Variants in ST3GAL1 observed in about 807,000 individuals in gnomAD.
ST3GAL1 encodes the protein CMP-N-acetylneuraminate-beta-galactosamide-alpha-2,3-sialyltransferase 1.
Under a neutral mutation model 34.1 loss-of-function variants are expected in ST3GAL1, and 16 were observed. The ratio of observed to expected loss-of-function variants is 0.47; its 90% CI spans 0.32 to 0.71. ST3GAL1 has a LOEUF of 0.71. Among genes scored for constraint, ST3GAL1 ranks in the 30% least tolerant of loss-of-function variants. ST3GAL1 has a pLI of 0.04. For synonymous variants in ST3GAL1, 191 were observed against 184.7 expected (o/e 1.03, Z -0.28); for missense variants, 353 against 447.4 (o/e 0.79, Z 1.90).
rs1364525020 is a variant in ST3GAL1 at position 133,456,874 on chromosome 8, A to G, written c.*2890T>C. 6.6e-6 allele frequency: 1 copy of G among 152,206 alleles called. No homozygotes were observed. The allele number at this position is 152,206 out of a possible 1,614,324, so 9.4% of individuals were successfully genotyped here. ...CGCTGGGAAAGCCCGCCTCCAGACA[A>G]TTTCAACATAGCGCCGGTAACACCC... On this transcript the variant is annotated 3_prime_UTR_variant, in exon 10 of 10. Transcript: ENST00000522652.
In ST3GAL1 at chr8:133,465,950, G is replaced by T. The variant is rs1235090575; in HGVS notation, c.447C>A (p.Gly149=). The change falls in exon 6 of 10, where the codon GGC becomes GGA. Residue 149 remains glycine, a synonymous_variant. Coordinates refer to ENST00000522652, the MANE Select transcript of ST3GAL1 (RefSeq NM_173344.3). The part of the protein sequence containing the change: ...CRRCAVVGNS[G]NLRESSYGPE... ...GCCCATAAGAAGACTCCCTCAGGTT[G>T]CCCGAGTTGCCCACAACGGCGCAGC... The T allele has an allele frequency of 1.9e-6, 3 of 1,614,072 alleles. No individual in the cohort carries two copies. The highest frequency in any genetic ancestry group is 2.7e-5 in the African/African-American group (2 of 74,932).
At chr8:133,546,468 G>C (rs1048405805) in intron 1 of ST3GAL1, among the ~76,000 whole-genome samples, 2 of 124,600 alleles carry the variant, frequency 1.6e-5, no homozygotes, top group Non-Finnish European at 1.6e-5. Context: ...GGGACAGAGA[G>C]AGACTCCGTC....
intron 2 of ST3GAL1, among the ~76,000 whole-genome samples, chr8:133,527,052 T>C (rs79786372): frequency 0.055 from 8,439 of 152,132 alleles, 319 homozygotes; most frequent in Middle Eastern, 0.085. Context: ...ACCTGACTGA[T>C]TGAAGGCCCA....
rs148718840 is a variant in ST3GAL1, at chr8:133,535,040, C to T, written c.-429+10734G>A. Among the ~76,000 whole-genome samples, 523 of 152,242 alleles carry T rather than the reference C, an allele frequency of 3.4e-3. 1 individual carries two copies. The highest frequency in any genetic ancestry group is 0.017 in the South Asian group (82 of 4,828). On this transcript the variant is annotated intron_variant, in intron 2 of 9. Coordinates refer to ENST00000522652, the MANE Select transcript of ST3GAL1 (RefSeq NM_173344.3). ...ACACAGGCAGGGGTTTGAGGGCTGA[C>T]GAGGGAGAAGCCCTGCAGCTGAGGA...
chr8:133,480,157 T>G (rs1274859946), intron 3 of ST3GAL1, among the ~76,000 whole-genome samples: 1 of 152,102 alleles, frequency 6.6e-6, no homozygotes, highest in African/African-American at 2.4e-5. Flanking sequence ...GGCAGTCATT[T>G]CCCAGCCACA....
At chr8:133,509,048 T>C (rs1339449214) in intron 2 of ST3GAL1, among the ~76,000 whole-genome samples, 1 of 152,210 alleles carries the variant, frequency 6.6e-6, no homozygotes, top group African/African-American at 2.4e-5. Context: ...TTCTTTACAG[T>C]TACTAGCCTC....
At chr8:133,468,508 T>C (rs75835882) in intron 5 of ST3GAL1, among the ~76,000 whole-genome samples, 2,491 of 151,004 alleles carry the variant, frequency 0.016, 91 homozygotes, top group African/African-American at 0.057. Context: ...GGGGACAGAG[T>C]TTTTGCTTGG....
In ST3GAL1 at chr8:133,552,403, G is replaced by A. The variant is rs939062432; in HGVS notation, c.-581-6477C>T. Among the ~76,000 whole-genome samples the A allele has an allele frequency of 1.3e-5, 2 of 152,204 alleles. 1 individual carries two copies. Among genetic ancestry groups the A allele is most frequent in the South Asian group, 4.1e-4 (2 of 4,832 alleles). ...ATGGTGAGAGGACCTAGAAACATCT[G>A]GTGTGAGTGCTGGAAGGCCCTCAGC... On this transcript the variant is annotated intron_variant, in intron 1 of 9. Transcript: ENST00000522652.
chr8:133,559,393 A>T (rs1413675418), intron 1 of ST3GAL1, among the ~76,000 whole-genome samples: 1 of 152,156 alleles, frequency 6.6e-6, no homozygotes, highest in Admixed American at 6.5e-5. Flanking sequence ...CCCATTCTGA[A>T]AGGTGTGTTT....
chr8:133,532,821 G>A (rs1044557000), intron 2 of ST3GAL1, among the ~76,000 whole-genome samples: 17 of 152,198 alleles, frequency 1.1e-4, no homozygotes, highest in Non-Finnish European at 2.9e-5. Context: ...AATGCCAGAA[G>A]AGTCCGCAGG....
In ST3GAL1 at chr8:133,556,685, A is replaced by G. The variant is rs16904949; in HGVS notation, c.-581-10759T>C. 0.072 allele frequency among the ~76,000 whole-genome samples: 11,007 copies of G among 152,232 alleles called. 1,345 individuals are homozygous for G. Among genetic ancestry groups the G allele is most frequent in the African/African-American group, 0.25 (10,402 of 41,496 alleles). The stretch of plus-strand genomic sequence containing the variant: ...TGGGAAGGAAGAGAAGGGAGAAAGA[A>G]AACTATTAGCCATGGAAACCTTGCA... On this transcript the variant is annotated intron_variant, in intron 1 of 9. Coordinates refer to ENST00000522652, the MANE Select transcript of ST3GAL1 (RefSeq NM_173344.3). The surrounding 1 kb of genome is among the most constrained non-coding windows in gnomAD (Gnocchi z 8.9).
intron 1 of ST3GAL1, among the ~76,000 whole-genome samples, chr8:133,561,108 C>CTTTTTTT (rs765993286): frequency 3.0e-4 from 32 of 106,184 alleles, no homozygotes; most frequent in Non-Finnish European, 4.0e-4. Flanking sequence ...CCAGAGCCAT[C>CTTTTTTT]TTTTTTTTTT....
chr8:133,471,824 T>C (rs963669191), intron 5 of ST3GAL1, among the ~76,000 whole-genome samples: 3 of 152,030 alleles, frequency 2.0e-5, no homozygotes, highest in African/African-American at 7.3e-5. Context: ...GGTATTATTT[T>C]GCATTTGGGC....
At chr8:133,563,038 G>A (rs1217198367) in intron 1 of ST3GAL1, among the ~76,000 whole-genome samples, 2 of 151,902 alleles carry the variant, frequency 1.3e-5, no homozygotes, top group Non-Finnish European at 2.9e-5. Flanking sequence ...TATTGGTTGG[G>A]TCTTTCTCAA....
At chr8:133,519,427 C>T (rs1817735440) in intron 2 of ST3GAL1, among the ~76,000 whole-genome samples, 1 of 152,158 alleles carries the variant, frequency 6.6e-6, no homozygotes, top group Non-Finnish European at 1.5e-5. Flanking sequence ...TGGGTAAATA[C>T]TAGAGCTGTG....
chr8:133,480,986 C>T (rs541759568), intron 3 of ST3GAL1, among the ~76,000 whole-genome samples: 13 of 152,294 alleles, frequency 8.5e-5, no homozygotes, highest in African/African-American at 3.1e-4. Flanking sequence ...AATTTCTCCA[C>T]CTTGTCATCT....
At chr8:133,523,176 T>C (rs1817861130) in intron 2 of ST3GAL1, among the ~76,000 whole-genome samples, 1 of 152,142 alleles carries the variant, frequency 6.6e-6, no homozygotes, top group Admixed American at 6.5e-5. Flanking sequence ...GCGTGGCTTC[T>C]GGGAGCAGGG....
At chr8:133,549,887 G>C (rs1044685846) in intron 1 of ST3GAL1, among the ~76,000 whole-genome samples, 4 of 151,994 alleles carry the variant, frequency 2.6e-5, no homozygotes, top group African/African-American at 4.8e-5. Context: ...GCTTGAACCT[G>C]GGAGGCAGAG....
intron 2 of ST3GAL1, among the ~76,000 whole-genome samples, chr8:133,526,426 G>C (rs1015532179): frequency 6.6e-6 from 1 of 152,132 alleles, no homozygotes; most frequent in African/African-American, 2.4e-5. Context: ...CCATGTAGAG[G>C]CCTCATGAAG....
Sources: allele counts gnomAD v4.1 joint callset (sites outside exome capture counted in the v4.1 genomes callset), GRCh38; gene constraint gnomAD v4.1.1; non-coding constraint Gnocchi (gnomAD v3.1); transcripts MANE v1.5; gene names NCBI Gene and HGNC (gene_info 2026-07-23, HGNC 2026-07-21).